CCDC178: variants seen among roughly 807,000 people sequenced by gnomAD.
CCDC178 encodes coiled-coil domain-containing protein 178.
In CCDC178, 126 loss-of-function variants were observed where a neutral mutation model predicts 117.4. That is an observed-to-expected ratio of 1.07 (90% CI 0.93 to 1.24). The LOEUF is 1.24. Among genes scored for constraint, CCDC178 ranks in the 50% most tolerant of loss-of-function variants. The probability of loss-of-function intolerance (pLI) is 0.00; values close to 1 mark genes in which losing one functional copy is unlikely to be tolerated. For missense variants in CCDC178, 1,030 were observed against 986.9 expected (o/e 1.04, Z -0.59); for synonymous variants, 283 against 313.4 (o/e 0.90, Z 1.02).
intron 20 of CCDC178, among the ~76,000 whole-genome samples, chr18:33,186,919 C>G (rs570428253): frequency 6.6e-6 from 1 of 152,134 alleles, no homozygotes; most frequent in African/African-American, 2.4e-5. Flanking sequence ...GATGGACAGA[C>G]AGACATGCTG....
chr18:33,217,468 C>T (rs192208616), intron 18 of CCDC178, among the ~76,000 whole-genome samples: 1 of 151,918 alleles, frequency 6.6e-6, no homozygotes, highest in African/African-American at 2.4e-5. Flanking sequence ...TTAATCACTC[C>T]CATGGCTGTT....
intron 11 of CCDC178, among the ~76,000 whole-genome samples, chr18:33,314,636 T>C (rs1243326393): frequency 6.6e-6 from 1 of 152,180 alleles, no homozygotes; most frequent in Non-Finnish European, 1.5e-5. Context: ...TTCAGGCCTA[T>C]AGAAACTGAA....
rs559638090 is a variant in CCDC178, at chr18:33,062,703, T to A, written c.2388+30058A>T. Among the ~76,000 whole-genome samples, 4 of 152,242 alleles carry A rather than the reference T, an allele frequency of 2.6e-5. No homozygotes were observed. In the East Asian group the frequency reaches 5.8e-4, roughly 22 times the overall value. On this transcript the variant is annotated intron_variant, in intron 21 of 22. Transcript: ENST00000383096. ...GATGGCATTGTTTCAGAGAGGGAGT[T>A]TGTGCTGGGTCCCACACATTCCCCA... is the stretch of plus-strand genomic sequence containing the variant.
chr18:33,043,753 A>G (rs187783468), intron 21 of CCDC178, among the ~76,000 whole-genome samples: 1 of 152,096 alleles, frequency 6.6e-6, no homozygotes, highest in Admixed American at 6.6e-5. Context: ...AAAAGAAATT[A>G]TAGTATAACA....
chr18:33,007,103 C>A (rs2055767293), intron 21 of CCDC178, among the ~76,000 whole-genome samples: 1 of 152,000 alleles, frequency 6.6e-6, no homozygotes, highest in South Asian at 2.1e-4. Flanking sequence ...CTAATTAAAA[C>A]ACGATTTTAA....
At chr18:33,412,140 A>AT in intron 2 of CCDC178, 30 bp from the exon 3 acceptor site, 1 of 837,762 alleles carries the variant, frequency 1.2e-6, no homozygotes, top group Non-Finnish European at 1.9e-6. Context: ...TTTAAATATC[A>AT]TGAATCTAAA....
chr18:33,250,581 A>G (rs1416139431), intron 14 of CCDC178, among the ~76,000 whole-genome samples: 2 of 151,916 alleles, frequency 1.3e-5, no homozygotes, highest in Admixed American at 6.6e-5. Flanking sequence ...CAATTCAACA[A>G]GAAATGAAAT....
chr18:33,354,961 T>A (rs1385415889), intron 7 of CCDC178, among the ~76,000 whole-genome samples: 4 of 152,188 alleles, frequency 2.6e-5, no homozygotes, highest in Non-Finnish European at 4.4e-5. Flanking sequence ...AGATTTTATA[T>A]TTGTTGAAAC....
intron 14 of CCDC178, among the ~76,000 whole-genome samples, chr18:33,251,680 C>T (rs67316571): frequency 0.067 from 10,207 of 151,716 alleles, 515 homozygotes; most frequent in African/African-American, 0.14. Flanking sequence ...CTTTCTAATA[C>T]AAGGTCTCCT....
At chr18:33,046,036 C>T (rs1291201320) in intron 21 of CCDC178, among the ~76,000 whole-genome samples, 1 of 152,156 alleles carries the variant, frequency 6.6e-6, no homozygotes, top group Non-Finnish European at 1.5e-5. Context: ...CCATTGCACT[C>T]TAGCCTAGGC....
intron 18 of CCDC178, among the ~76,000 whole-genome samples, chr18:33,216,972 A>G (rs955753816): frequency 6.6e-6 from 1 of 152,050 alleles, no homozygotes; most frequent in Non-Finnish European, 1.5e-5. Flanking sequence ...CGTTTAGATC[A>G]GATTTCATCA....
At chr18:33,297,272 G>A (rs570709087) in intron 11 of CCDC178, among the ~76,000 whole-genome samples, 2 of 151,966 alleles carry the variant, frequency 1.3e-5, no homozygotes, top group South Asian at 4.1e-4. Flanking sequence ...TGCACTGCAA[G>A]GACCTAGAAA....
intron 20 of CCDC178, among the ~76,000 whole-genome samples, chr18:33,139,892 C>T (rs1483029374): frequency 4.6e-5 from 7 of 152,100 alleles, no homozygotes; most frequent in African/African-American, 1.2e-4. Context: ...CCATCACAGG[C>T]CTGGAGACCT....
chr18:33,323,648 A>C lies in CCDC178; in HGVS notation c.880-15T>G, dbSNP rs765003482. ...AGGTCCATTACCTAGAAATGAAAATATTTTTGCTTATATTTGCACTTAATG... is the reference window on the plus strand; with the variant it reads ...AGGTCCATTACCTAGAAATGAAAATCTTTTTGCTTATATTTGCACTTAATG... On this transcript the variant is annotated splice_polypyrimidine_tract_variant and intron_variant, in intron 10 of 22. Transcript: ENST00000383096. 7.0e-7 allele frequency: 1 copy of C among 1,432,292 alleles called. No individual in the cohort carries two copies. 88.7% of individuals were successfully genotyped at this position (1,432,292 alleles called of 1,614,324 possible). A position where few individuals can be genotyped will look rare whatever the true frequency, so the allele number is the denominator to read the frequency against.
Position 33,122,690 on chromosome 18 carries a change from C to T in CCDC178, c.2239-29780G>A, listed in dbSNP as rs142325673. Among the ~76,000 whole-genome samples, 28 of 152,232 alleles carry T rather than the reference C, an allele frequency of 1.8e-4. No individual in the cohort carries two copies. In the East Asian group the frequency reaches 3.9e-3, roughly 21 times the overall value. On this transcript the variant is annotated intron_variant, in intron 20 of 22. Transcript: ENST00000383096. Reference sequence around the variant, plus strand: ...ACTAGCATGGAATTCTATCTCCAGACTTAATTCATTTTTAAAGTCTGTTAT... The same window carrying T: ...ACTAGCATGGAATTCTATCTCCAGATTTAATTCATTTTTAAAGTCTGTTAT...
At chr18:33,394,265 A>G (rs1430656362) in intron 4 of CCDC178, among the ~76,000 whole-genome samples, 1 of 151,994 alleles carries the variant, frequency 6.6e-6, no homozygotes, top group Non-Finnish European at 1.5e-5. Context: ...CATATACATG[A>G]CAGTTGACTT....
At chr18:33,317,358 C>T (rs1399132143) in intron 11 of CCDC178, among the ~76,000 whole-genome samples, 4 of 152,068 alleles carry the variant, frequency 2.6e-5, no homozygotes, top group Non-Finnish European at 4.4e-5. Context: ...AGACCACGAA[C>T]CCACCAGAAG....
intron 21 of CCDC178, among the ~76,000 whole-genome samples, chr18:33,000,245 A>G (rs1279702038): frequency 1.3e-5 from 2 of 152,046 alleles, no homozygotes; most frequent in African/African-American, 4.8e-5. Flanking sequence ...ATCAAGCAGA[A>G]GAAAGAATTA....
intron 5 of CCDC178, among the ~76,000 whole-genome samples, chr18:33,387,306 C>T (rs2063505843): frequency 6.6e-6 from 1 of 152,140 alleles, no homozygotes; most frequent in Non-Finnish European, 1.5e-5. Flanking sequence ...AGATTCAATA[C>T]TATTTCCATT....
Sources: allele counts gnomAD v4.1 joint callset (sites outside exome capture counted in the v4.1 genomes callset), GRCh38; gene constraint gnomAD v4.1.1; transcripts MANE v1.5; gene names NCBI Gene and HGNC (gene_info 2026-07-23, HGNC 2026-07-21).